The following UGT1A7 variants were observed in gnomAD, a reference collection of about 807,000 sequenced individuals.
The protein encoded by UGT1A7 is UDP-glucuronosyltransferase 1A7.
A neutral mutation model predicts 45.6 loss-of-function variants in UGT1A7; 33 were observed. That is an observed-to-expected ratio of 0.72 (90% CI 0.55 to 0.97). UGT1A7 has a LOEUF of 0.97. Ranked by LOEUF, UGT1A7 falls within the 50% of genes least tolerant of loss-of-function variation. UGT1A7 has a pLI of 0.00. For synonymous variants in UGT1A7, 274 were observed against 250.6 expected (o/e 1.09, Z -0.88); for missense variants, 684 against 666.2 (o/e 1.03, Z -0.29).
intron 1 of UGT1A7, among the ~76,000 whole-genome samples, chr2:233,761,774 C>T (rs1257781750): frequency 1.3e-5 from 2 of 152,222 alleles, no homozygotes; most frequent in Non-Finnish European, 2.9e-5. Context: ...GCATTCACAT[C>T]CTCATCGAAA....
intron 1 of UGT1A7, among the ~76,000 whole-genome samples, chr2:233,708,906 G>T (rs2076047236): frequency 6.6e-6 from 1 of 152,058 alleles, no homozygotes. Flanking sequence ...TATCTGGTTA[G>T]GTATTGCTTG....
chr2:233,772,588 T>C lies in UGT1A7; in HGVS notation c.*29T>C, dbSNP rs945548426. The stretch of plus-strand genomic sequence containing the variant: ...GTGGGTGGGAAATAAGGTAAAATTT[T>C]GAACCATTCCCTAGTCATTTCCAAA... On this transcript the variant is annotated 3_prime_UTR_variant, in exon 5 of 5. Transcript: ENST00000373426. The C allele has an allele frequency of 1.1e-5, 18 of 1,603,922 alleles. No individual in the cohort carries two copies. In the African/African-American group the frequency reaches 1.7e-4, roughly 16 times the overall value.
intron 4 of UGT1A7, among the ~76,000 whole-genome samples, chr2:233,772,038 A>G (rs892272267): frequency 1.3e-5 from 2 of 152,202 alleles, no homozygotes; most frequent in African/African-American, 4.8e-5. Flanking sequence ...GCTTGAGCCC[A>G]GGAGTTGGAG....
intron 1 of UGT1A7, among the ~76,000 whole-genome samples, chr2:233,748,871 G>A (rs1439013136): frequency 2.0e-5 from 3 of 151,510 alleles, no homozygotes; most frequent in Admixed American, 6.6e-5. Flanking sequence ...AGCTGGGGAC[G>A]GTGATGAATG....
At position 233,732,107 on chromosome 2, in the gene UGT1A7, C is replaced by A. The variant is rs564332248; in HGVS notation, c.856-34927C>A. Among the ~76,000 whole-genome samples the A allele has an allele frequency of 2.0e-5, 3 of 151,486 alleles. No individual in the cohort carries two copies. In the East Asian group the frequency reaches 5.8e-4, roughly 29 times the overall value. On this transcript the variant is annotated intron_variant, in intron 1 of 4. Coordinates refer to ENST00000373426, the MANE Select transcript of UGT1A7 (RefSeq NM_019077.3). The stretch of plus-strand genomic sequence containing the variant: ...TCTTTTGAGAAGTGTCTGTTCATAT[C>A]CTTTGCCCACTTTTTGATGAGGTTG...
chr2:233,682,068 T>C lies in UGT1A7; in HGVS notation c.131T>C (p.Val44Ala). ...AGCCACTGGTTCACCATGCAGTCGG[T>C]GGTGGAGAAACTCATCCTCAGGGGG... ...DGSHWFTMQS[V>A]VEKLILRGHE... Residue 44 changes from valine (V) to alanine (A), a missense_variant, in exon 1 of 5, where the codon GTG becomes GCG. By Grantham distance (64) the Val-to-Ala change is moderately conservative. Coordinates refer to ENST00000373426, the MANE Select transcript of UGT1A7 (RefSeq NM_019077.3). 3 of 1,614,024 alleles carry C rather than the reference T, an allele frequency of 1.9e-6. No individual in the cohort carries two copies. The highest frequency in any genetic ancestry group is 2.5e-6 in the Non-Finnish European group (3 of 1,180,002).
chr2:233,702,748 T>C (rs1467239374), intron 1 of UGT1A7, among the ~76,000 whole-genome samples: 1 of 152,228 alleles, frequency 6.6e-6, no homozygotes, highest in African/African-American at 2.4e-5. Context: ...GGTCCCCTAT[T>C]CTAGTGATAT....
intron 1 of UGT1A7, chr2:233,748,105 C>A: frequency 6.2e-7 from 1 of 1,612,580 alleles, no homozygotes; most frequent in Admixed American, 1.7e-5. Context: ...TTCATCCAAT[C>A]AATGTTCCAG....
intron 1 of UGT1A7, chr2:233,712,944 G>C (rs768332729): frequency 3.1e-6 from 5 of 1,612,628 alleles, no homozygotes; most frequent in Non-Finnish European, 2.5e-6. Context: ...ACAATTCTAG[G>C]AGGCACAACG....
chr2:233,754,869 C>A (rs1695620043), intron 1 of UGT1A7: 2 of 1,352,824 alleles, frequency 1.5e-6, no homozygotes, highest in South Asian at 2.3e-5. Context: ...AGACCCTCTG[C>A]TTCTGCTTCC....
chr2:233,687,664 A>G (rs1394370925), intron 1 of UGT1A7, among the ~76,000 whole-genome samples: 2 of 151,670 alleles, frequency 1.3e-5, no homozygotes, highest in Non-Finnish European at 2.9e-5. Flanking sequence ...GCACTTTAGG[A>G]GGCCAAGGCA....
chr2:233,747,484 G>C (rs796155377), intron 1 of UGT1A7: 4 of 1,608,658 alleles, frequency 2.5e-6, no homozygotes, highest in Middle Eastern at 1.7e-4. Flanking sequence ...GAATTTGATC[G>C]CCTTGTGCTG....
At position 233,759,475 on chromosome 2, in the gene UGT1A7, C is replaced by T. The variant is rs1697147555; in HGVS notation, c.856-7559C>T. Among the ~76,000 whole-genome samples, 2 of 152,182 alleles carry T rather than the reference C, an allele frequency of 1.3e-5. 1 individual carries two copies. The highest frequency in any genetic ancestry group is 2.9e-5 in the Non-Finnish European group (2 of 68,032). ...AGTTAGCCACTCAAGATCTATCTTA[C>T]AGGACTGGCTCTTTCAGGTTCACAC... is the stretch of plus-strand genomic sequence containing the variant. On this transcript the variant is annotated intron_variant, in intron 1 of 4. Coordinates refer to ENST00000373426, the MANE Select transcript of UGT1A7 (RefSeq NM_019077.3).
chr2:233,743,077 A>C (rs980978105), intron 1 of UGT1A7: 3 of 344,556 alleles, frequency 8.7e-6, no homozygotes, highest in African/African-American at 2.2e-5. Context: ...TGTTGGCATG[A>C]AGTGTTTATA....
chr2:233,737,856 T>C (rs1690612463), intron 1 of UGT1A7, among the ~76,000 whole-genome samples: 1 of 152,152 alleles, frequency 6.6e-6, no homozygotes, highest in Admixed American at 6.5e-5. Context: ...ACTCTTGCTA[T>C]GCCCCTTAAG....
chr2:233,693,546 C>T, intron 1 of UGT1A7: 1 of 1,614,192 alleles, frequency 6.2e-7, no homozygotes, highest in Non-Finnish European at 8.5e-7. Context: ...CTGGAGCATA[C>T]ATTCAGCAGA....
At chr2:233,691,182 A>G (rs2125547738) in intron 1 of UGT1A7, 3 of 985,712 alleles carry the variant, frequency 3.0e-6, no homozygotes, top group South Asian at 9.4e-5. Flanking sequence ...TGCCTGCTCA[A>G]GAAGGTGGAC....
At chr2:233,729,079 C>T (rs372945950) in intron 1 of UGT1A7, 2 of 1,611,886 alleles carry the variant, frequency 1.2e-6, no homozygotes, top group African/African-American at 2.7e-5. Flanking sequence ...GCAAATGTAG[C>T]AGGCACAGCG....
chr2:233,702,349 GT>G (rs545005076), intron 1 of UGT1A7, among the ~76,000 whole-genome samples: 17 of 151,212 alleles, frequency 1.1e-4, no homozygotes, highest in Middle Eastern at 3.4e-3. Flanking sequence ...TGTTCTAATA[GT>G]TTTTTTTTAG....
Sources: allele counts gnomAD v4.1 joint callset (sites outside exome capture counted in the v4.1 genomes callset), GRCh38; gene constraint gnomAD v4.1.1; transcripts MANE v1.5; gene names NCBI Gene and HGNC (gene_info 2026-07-23, HGNC 2026-07-21).